TNS3: variants seen among roughly 807,000 people sequenced by gnomAD.
TNS3 encodes the protein tensin 3.
In TNS3, 45 loss-of-function variants were observed where a neutral mutation model predicts 140.9. That is an observed-to-expected ratio of 0.32 (90% CI 0.25 to 0.41). The LOEUF (loss-of-function observed/expected upper bound fraction) is 0.41, where lower values mean the gene tolerates loss of function less well. Among genes scored for constraint, TNS3 ranks in the 10% least tolerant of loss-of-function variants. The pLI is 1.00. For missense variants in TNS3, 1,716 were observed against 1,906.7 expected (o/e 0.90, Z 1.86); for synonymous variants, 815 against 788.4 (o/e 1.03, Z -0.56).
intron 23 of TNS3, among the ~76,000 whole-genome samples, chr7:47,300,252 G>A (rs749893883): frequency 6.6e-6 from 1 of 152,184 alleles, no homozygotes; most frequent in Non-Finnish European, 1.5e-5. Flanking sequence ...TAGAAGGTTC[G>A]TCTGCACAGG....
Position 47,428,308 on chromosome 7 carries a change from C to T in TNS3, c.389+4G>A, listed in dbSNP as rs755734228. On this transcript the variant is annotated splice_donor_region_variant and intron_variant, in intron 9 of 30. Coordinates refer to ENST00000311160, the MANE Select transcript of TNS3 (RefSeq NM_022748.12). The stretch of plus-strand genomic sequence containing the variant: ...AAGACAGCGAGCTGACATCTTCATC[C>T]TACCTGGCTGAGACGTTGGTGAAAT... The T allele has an allele frequency of 1.4e-6, 2 of 1,433,084 alleles. No homozygotes were observed. The highest frequency in any genetic ancestry group is 1.6e-5 in the South Asian group (1 of 60,932). The allele number at this position is 1,433,084 out of a possible 1,614,324, so 88.8% of individuals were successfully genotyped here.
chr7:47,439,663 G>T lies in TNS3; in HGVS notation c.-22-5C>A. Reference sequence around the variant, plus strand: ...GTGGGACTCAGGATGACGGGCCTGCGAGAGAGCAGTGGGCAGATCAGAAAC... The same window carrying T: ...GTGGGACTCAGGATGACGGGCCTGCTAGAGAGCAGTGGGCAGATCAGAAAC... On this transcript the variant is annotated splice_region_variant and splice_polypyrimidine_tract_variant and intron_variant, in intron 5 of 30. Coordinates refer to ENST00000311160, the MANE Select transcript of TNS3 (RefSeq NM_022748.12). The T allele has an allele frequency of 6.2e-7, 1 of 1,613,536 alleles. No homozygotes were observed. The highest frequency in any genetic ancestry group is 8.5e-7 in the Non-Finnish European group (1 of 1,179,798).
chr7:47,405,365 G>T, intron 13 of TNS3: 2 of 603,900 alleles, frequency 3.3e-6, no homozygotes, highest in East Asian at 5.5e-5. Flanking sequence ...GGTGGCCCAG[G>T]CAACTGTCTA....
chr7:47,461,326 G>T (rs946258872), intron 4 of TNS3, among the ~76,000 whole-genome samples: 5 of 152,284 alleles, frequency 3.3e-5, no homozygotes, highest in African/African-American at 1.2e-4. Flanking sequence ...ACCTCTACAG[G>T]CTTCCCACCA....
rs537233768 is a variant in TNS3, at chr7:47,508,150, A to C, written c.-152-1206T>G. ...CTCCCCCTCCTGCACTCTGTTTTCT[A>C]TGATGTGTCAAAGTCAAAAAGGTTT... On this transcript the variant is annotated intron_variant, in intron 2 of 30. Coordinates refer to ENST00000311160, the MANE Select transcript of TNS3 (RefSeq NM_022748.12). 2.6e-5 allele frequency among the ~76,000 whole-genome samples: 4 copies of C among 152,276 alleles called. No homozygotes were observed. The East Asian group carries it at 7.7e-4, about 29-fold the overall frequency.
intron 17 of TNS3, among the ~76,000 whole-genome samples, chr7:47,362,789 T>C (rs371303311): frequency 5.1e-5 from 2 of 39,026 alleles, no homozygotes; most frequent in Non-Finnish European, 1.2e-4. Context: ...CAAAGCATCA[T>C]CACCACCATC....
chr7:47,409,750 T>C (rs1392913210), intron 13 of TNS3, among the ~76,000 whole-genome samples: 1 of 152,108 alleles, frequency 6.6e-6, no homozygotes, highest in African/African-American at 2.4e-5. Flanking sequence ...CTCCGCCTCC[T>C]GGGTTCATGC....
chr7:47,317,211 T>C (rs745835009), intron 20 of TNS3, among the ~76,000 whole-genome samples: 1 of 152,180 alleles, frequency 6.6e-6, no homozygotes, highest in Non-Finnish European at 1.5e-5. Context: ...GAAGCCAGAA[T>C]TGCTCCAGCC....
At chr7:47,280,503 C>T (rs1243158084) in intron 28 of TNS3, 149 bp from the exon 29 acceptor site, 10 of 760,842 alleles carry the variant, frequency 1.3e-5, no homozygotes, top group East Asian at 7.9e-5. Context: ...GAAGAAAGTG[C>T]GTGCTCATTC....
chr7:47,543,402 C>T (rs1799843007), intron 1 of TNS3, among the ~76,000 whole-genome samples: 2 of 152,216 alleles, frequency 1.3e-5, no homozygotes, highest in Non-Finnish European at 2.9e-5. Flanking sequence ...AGGATATGTG[C>T]ATGGGGCACC....
chr7:47,574,893 G>A (rs553022172), intron 1 of TNS3, among the ~76,000 whole-genome samples: 4 of 152,142 alleles, frequency 2.6e-5, no homozygotes, highest in Non-Finnish European at 4.4e-5. Context: ...AAGGGACACC[G>A]AGTTTCAGTT....
chr7:47,356,780 CAT>C (rs1562630551), intron 17 of TNS3, among the ~76,000 whole-genome samples: 2 of 152,052 alleles, frequency 1.3e-5, no homozygotes, highest in Admixed American at 6.5e-5. Flanking sequence ...TTAATTAAAA[CAT>C]AGAAAAAACA....
At chr7:47,533,525 C>T (rs748569159) in intron 1 of TNS3, among the ~76,000 whole-genome samples, 2 of 151,422 alleles carry the variant, frequency 1.3e-5, no homozygotes, top group Non-Finnish European at 2.9e-5. Flanking sequence ...ACAAAGTAGG[C>T]TACAGATCAA....
At chr7:47,432,946 A>G (rs1240167418) in intron 8 of TNS3, among the ~76,000 whole-genome samples, 1 of 152,202 alleles carries the variant, frequency 6.6e-6, no homozygotes, top group Non-Finnish European at 1.5e-5. Context: ...ACAATTTTCC[A>G]TGGGTATTCT....
chr7:47,321,438 G>C lies in TNS3; in HGVS notation c.2651-16435C>G, dbSNP rs916922688. ...CCATTCCACTGAGTCCAAAACTCAC[G>C]AATACAGAGGCCACCAGCACTACTG... is the stretch of plus-strand genomic sequence containing the variant. On this transcript the variant is annotated intron_variant, in intron 20 of 30. Transcript: ENST00000311160. 2.0e-5 allele frequency among the ~76,000 whole-genome samples: 3 copies of C among 152,210 alleles called. No homozygotes were observed. In the South Asian group the frequency reaches 6.2e-4, roughly 32 times the overall value.
chr7:47,372,886 A>G (rs1195107186), intron 16 of TNS3, among the ~76,000 whole-genome samples: 1 of 152,350 alleles, frequency 6.6e-6, no homozygotes, highest in East Asian at 1.9e-4. Flanking sequence ...TTAAACGTAC[A>G]GGAAAAGAAT....
At chr7:47,518,268 C>T (rs1477595178) in intron 2 of TNS3, among the ~76,000 whole-genome samples, 1 of 152,202 alleles carries the variant, frequency 6.6e-6, no homozygotes, top group Non-Finnish European at 1.5e-5. Flanking sequence ...GAGCAGCCCT[C>T]TCTGTGCGCC....
At chr7:47,474,523 T>C (rs368479193) in intron 4 of TNS3, among the ~76,000 whole-genome samples, 27 of 135,834 alleles carry the variant, frequency 2.0e-4, no homozygotes, top group East Asian at 1.9e-3. Flanking sequence ...AACACAGGCA[T>C]GTACACACAC....
chr7:47,414,028 C>T (rs1180932158), intron 11 of TNS3, 31 bp from the exon 12 acceptor site: 2 of 1,604,758 alleles, frequency 1.2e-6, no homozygotes, highest in Admixed American at 3.3e-5. Context: ...TCTGTAGAGG[C>T]ATGACCGGTA....
Sources: allele counts gnomAD v4.1 joint callset (sites outside exome capture counted in the v4.1 genomes callset), GRCh38; gene constraint gnomAD v4.1.1; transcripts MANE v1.5; gene names NCBI Gene and HGNC (gene_info 2026-07-23, HGNC 2026-07-21).